Variants in MOBP observed in about 807,000 individuals in gnomAD.
MOBP encodes the protein myelin associated oligodendrocyte basic protein, also known as myelin-associated oligodendrocyte basic protein.
Under a neutral mutation model 15.0 loss-of-function variants are expected in MOBP, and 5 were observed. That is an observed-to-expected ratio of 0.33 (90% CI 0.17 to 0.70). The LOEUF (loss-of-function observed/expected upper bound fraction) is 0.70, where lower values mean the gene tolerates loss of function less well. MOBP is among the 30% of genes least tolerant of loss of function. The pLI, the probability that MOBP is intolerant of heterozygous loss-of-function variation, is 0.67. For missense variants in MOBP, 188 were observed against 257.8 expected (o/e 0.73, Z 1.85); for synonymous variants, 88 against 99.0 (o/e 0.89, Z 0.66).
At chr3:39,525,253 A>G (rs190145305), downstream of MOBP, 1 of 152,342 alleles carries the variant, frequency 6.6e-6, no homozygotes. Context: ...CTGGGGGTAT[A>G]TTCAAGGTTA....
intron 2 of MOBP, among the ~76,000 whole-genome samples, chr3:39,491,992 G>T (rs1334435795): frequency 6.6e-6 from 1 of 152,178 alleles, no homozygotes; most frequent in Non-Finnish European, 1.5e-5. Flanking sequence ...AGAAAAGGCT[G>T]CCCTCAGCCT....
At chr3:39,526,473 A>T (rs1271658732), downstream of MOBP, 1 of 152,116 alleles carries the variant, frequency 6.6e-6, no homozygotes. Flanking sequence ...TCTTTTAAGG[A>T]TTGGTTCTGA....
chr3:39,495,856 C>T (rs556628225), intron 2 of MOBP, among the ~76,000 whole-genome samples: 1 of 150,772 alleles, frequency 6.6e-6, no homozygotes, highest in East Asian at 2.0e-4. Context: ...AAACCACTTC[C>T]TTACTTTTGA....
intron 3 of MOBP, among the ~76,000 whole-genome samples, chr3:39,523,608 C>T (rs1180243846): frequency 1.3e-5 from 2 of 152,162 alleles, no homozygotes; most frequent in East Asian, 3.8e-4. Flanking sequence ...TAAACATACA[C>T]TCAATTTCTT....
exon 5 of MOBP, chr3:39,514,975 T>C (rs1267216036): frequency 2.0e-4 from 4 of 20,216 alleles, no homozygotes; most frequent in African/African-American, 4.3e-4. Flanking sequence ...CGTGTGTGTG[T>C]GTGTGTGTGT....
intron 1 of MOBP, among the ~76,000 whole-genome samples, chr3:39,476,545 T>G (rs1262128064): frequency 1.3e-5 from 2 of 152,230 alleles, no homozygotes; most frequent in Non-Finnish European, 2.9e-5. Context: ...GGATTCTCAC[T>G]ATCTATAATG....
At chr3:39,506,377 G>A (rs937140084), downstream of MOBP, among the ~76,000 whole-genome samples, 5 of 152,112 alleles carry the variant, frequency 3.3e-5, no homozygotes, top group African/African-American at 1.2e-4. Context: ...GATTCCTCCA[G>A]AAGTAACAAT....
chr3:39,478,529 C>G (rs1057039568), intron 1 of MOBP, among the ~76,000 whole-genome samples: 2 of 152,170 alleles, frequency 1.3e-5, no homozygotes, highest in Non-Finnish European at 2.9e-5. Context: ...TCCCCTCCAC[C>G]CTTCCAGATT....
In MOBP at chr3:39,522,394, C is replaced by A. The variant is rs979403793; in HGVS notation, c.*259-1849C>A. Among the ~76,000 whole-genome samples the A allele has an allele frequency of 4.6e-5, 7 of 152,188 alleles. No individual in the cohort carries two copies. In the South Asian group the frequency reaches 1.2e-3, roughly 27 times the overall value. ...CTTGTCTCCACCACTAGAATGTAAA[C>A]CTCATAAGAGCAAGAACCATGGCTT... is the stretch of plus-strand genomic sequence containing the variant. On this transcript the variant is annotated intron_variant and NMD_transcript_variant, in intron 3 of 4. Coordinates refer to the MOBP transcript ENST00000424090.
chr3:39,472,847 G>A (rs2042490226), intron 1 of MOBP, among the ~76,000 whole-genome samples: 1 of 152,202 alleles, frequency 6.6e-6, no homozygotes, highest in Non-Finnish European at 1.5e-5. Flanking sequence ...GATCATTTAA[G>A]CCTGGGAGGT....
exon 5 of MOBP, chr3:39,515,999 C>G (rs547568703): frequency 6.6e-6 from 1 of 152,016 alleles, no homozygotes; most frequent in African/African-American, 2.4e-5. Context: ...CACTTGTTGA[C>G]GGAATGAATG....
downstream of MOBP, among the ~76,000 whole-genome samples, chr3:39,506,452 G>C (rs575016113): frequency 1.3e-5 from 2 of 151,506 alleles, no homozygotes; most frequent in East Asian, 3.9e-4. Context: ...AGCAAGATAA[G>C]GAAGGGAAAG....
At chr3:39,520,090 C>G (rs574074), downstream of MOBP, among the ~76,000 whole-genome samples, 26,665 of 151,696 alleles carry the variant, frequency 0.18, 2,448 homozygotes, top group Middle Eastern at 0.22. Flanking sequence ...ACTGCTTTCT[C>G]TCTCCAGATC....
chr3:39,485,996 T>A (rs1176602840), intron 2 of MOBP, among the ~76,000 whole-genome samples: 1 of 152,256 alleles, frequency 6.6e-6, no homozygotes, highest in East Asian at 1.9e-4. Context: ...TAAAACTTCA[T>A]ACGTTTATAT....
intron 2 of MOBP, among the ~76,000 whole-genome samples, chr3:39,482,200 C>T (rs1575290835): frequency 6.6e-6 from 1 of 152,146 alleles, no homozygotes; most frequent in Non-Finnish European, 1.5e-5. Flanking sequence ...CCCTTGACTC[C>T]TCCTCATTAC....
rs562527159 is a variant in MOBP, at chr3:39,496,075, T to C, written c.-4-5991T>C. 8.5e-5 allele frequency among the ~76,000 whole-genome samples: 13 copies of C among 152,286 alleles called. No individual in the cohort carries two copies. In the South Asian group the frequency reaches 2.7e-3, roughly 32 times the overall value. ...TTGAAAAATATGTAAGGTGTGGTCC[T>C]ACTTTTTATTAACTGTATATTTACA... is the stretch of plus-strand genomic sequence containing the variant. On this transcript the variant is annotated intron_variant, in intron 2 of 3. Transcript: ENST00000684792.
chr3:39,510,231 T>G (rs2125666072), intron 4 of MOBP, among the ~76,000 whole-genome samples: 1 of 152,252 alleles, frequency 6.6e-6, no homozygotes, highest in Non-Finnish European at 1.5e-5. Context: ...TGTAGCTTAG[T>G]AGTAAGTATT....
chr3:39,474,021 G>T (rs147381983), intron 1 of MOBP, among the ~76,000 whole-genome samples: 3 of 152,230 alleles, frequency 2.0e-5, no homozygotes, highest in Admixed American at 6.5e-5. Flanking sequence ...GAACCATAGC[G>T]CATTGAGACA....
chr3:39,504,915 G>C (rs2043029770), downstream of MOBP, among the ~76,000 whole-genome samples: 1 of 152,232 alleles, frequency 6.6e-6, no homozygotes, highest in Admixed American at 6.5e-5. Flanking sequence ...GCTTTTAGAG[G>C]TTAAATAATT....
Sources: gnomAD v4.1 joint callset for allele counts (sites outside exome capture counted in the v4.1 genomes callset) on GRCh38, gnomAD v4.1.1 for gene constraint, MANE v1.5 for transcripts, NCBI Gene and HGNC (gene_info 2026-07-23, HGNC 2026-07-21) for gene names.